Variants in TMTC1 observed in about 807,000 individuals in gnomAD.
The protein encoded by TMTC1 is transmembrane O-mannosyltransferase targeting cadherins 1.
In TMTC1, 73 loss-of-function variants were observed where a neutral mutation model predicts 104.8. That is an observed-to-expected ratio of 0.70 (90% CI 0.58 to 0.85). The LOEUF is 0.85. Among genes scored for constraint, TMTC1 ranks in the 40% least tolerant of loss-of-function variants. The pLI is 0.00. For synonymous variants in TMTC1, 434 were observed against 428.7 expected, an observed-to-expected ratio of 1.01 and a Z score of -0.15; for missense variants, 1,035 against 1,096.1, an observed-to-expected ratio of 0.94 and a Z score of 0.79.
At chr12:29,585,826 G>A (rs771009198) in intron 7 of TMTC1, among the ~76,000 whole-genome samples, 29 of 152,172 alleles carry the variant, frequency 1.9e-4, no homozygotes, top group Non-Finnish European at 4.0e-4. Context: ...GTACAATGCT[G>A]TTTTGGTTAC....
intron 5 of TMTC1, among the ~76,000 whole-genome samples, chr12:29,684,256 A>G (rs1941020353): frequency 6.6e-6 from 1 of 152,210 alleles, no homozygotes; most frequent in Non-Finnish European, 1.5e-5. Context: ...GAATTTCCAG[A>G]GCAGTTTTAT....
At chr12:29,780,455 G>T (rs978574275) in intron 1 of TMTC1, among the ~76,000 whole-genome samples, 1 of 152,192 alleles carries the variant, frequency 6.6e-6, no homozygotes, top group African/African-American at 2.4e-5. Flanking sequence ...AATGATAATG[G>T]AGAACAGATT....
chr12:29,512,293 A>G (rs1204583900), intron 16 of TMTC1, among the ~76,000 whole-genome samples, 173 bp from the exon 17 acceptor site: 1 of 152,214 alleles, frequency 6.6e-6, no homozygotes, highest in Non-Finnish European at 1.5e-5. Context: ...TGATGATTCT[A>G]AAGTGGAGGA....
intron 5 of TMTC1, among the ~76,000 whole-genome samples, chr12:29,718,991 T>C (rs995837004): frequency 1.3e-5 from 2 of 151,422 alleles, no homozygotes; most frequent in Non-Finnish European, 2.9e-5. Context: ...AGTAAACCTG[T>C]AGATAAATAA....
intron 5 of TMTC1, among the ~76,000 whole-genome samples, chr12:29,656,014 C>T (rs538154001): frequency 6.6e-6 from 1 of 152,226 alleles, no homozygotes; most frequent in South Asian, 2.1e-4. Flanking sequence ...AGCCAGACGG[C>T]CATAACCACC....
intron 15 of TMTC1, among the ~76,000 whole-genome samples, chr12:29,515,712 T>G (rs1943965015): frequency 6.6e-6 from 1 of 150,710 alleles, no homozygotes; most frequent in African/African-American, 2.4e-5. Flanking sequence ...CTGTTTAATC[T>G]CCTTCTCTAT....
At chr12:29,569,022 C>T (rs1356707845) in intron 9 of TMTC1, 1 of 455,426 alleles carries the variant, frequency 2.2e-6, no homozygotes, top group East Asian at 7.0e-5. Context: ...CCCCTCACAG[C>T]AAAGCAAAGC....
intron 5 of TMTC1, among the ~76,000 whole-genome samples, chr12:29,748,830 T>A (rs1418109119): frequency 6.6e-6 from 1 of 152,200 alleles, no homozygotes; most frequent in Non-Finnish European, 1.5e-5. Context: ...AAACAGCCAT[T>A]ATTAAAAATT....
chr12:29,663,860 A>G (rs960360868), intron 5 of TMTC1, among the ~76,000 whole-genome samples: 4 of 152,042 alleles, frequency 2.6e-5, no homozygotes, highest in Admixed American at 6.6e-5. Context: ...TATGATGGCT[A>G]TTTCACTGAG....
At chr12:29,507,361 G>A (rs770883187) in intron 17 of TMTC1, among the ~76,000 whole-genome samples, 18 of 152,276 alleles carry the variant, frequency 1.2e-4, no homozygotes, top group Non-Finnish European at 2.2e-4. Flanking sequence ...GGGTGGAGGG[G>A]ATGGGAGAAT....
At chr12:29,684,729 G>A (rs932444085) in intron 5 of TMTC1, among the ~76,000 whole-genome samples, 7 of 152,288 alleles carry the variant, frequency 4.6e-5, no homozygotes, top group African/African-American at 1.7e-4. Context: ...TAGCTGTAAT[G>A]AGGATTAAAT....
At chr12:29,779,059 T>G (rs969411087) in intron 1 of TMTC1, among the ~76,000 whole-genome samples, 1 of 152,206 alleles carries the variant, frequency 6.6e-6, no homozygotes, top group Admixed American at 6.5e-5. Flanking sequence ...AGACTGGCAC[T>G]CTTCCCTGCA....
At chr12:29,550,383 G>A (rs1012638779) in intron 10 of TMTC1, among the ~76,000 whole-genome samples, 9 of 152,122 alleles carry the variant, frequency 5.9e-5, no homozygotes, top group African/African-American at 1.2e-4. Context: ...GTGCAGGGCC[G>A]GCAGGAAAGA....
intron 8 of TMTC1, among the ~76,000 whole-genome samples, chr12:29,579,326 T>C (rs942721795): frequency 6.6e-5 from 10 of 152,252 alleles, no homozygotes; most frequent in Admixed American, 6.5e-4. Flanking sequence ...CAGAGTTACA[T>C]AGTTGCAAAA....
At chr12:29,512,485 T>C (rs1018515215) in intron 16 of TMTC1, among the ~76,000 whole-genome samples, 4 of 152,202 alleles carry the variant, frequency 2.6e-5, no homozygotes, top group Admixed American at 2.6e-4. Flanking sequence ...AAATTCTTTT[T>C]ATAATAACAG....
chr12:29,514,533 G>GA lies in TMTC1; in HGVS notation c.2378dup (p.Thr794HisfsTer17), dbSNP rs754164792. On this transcript the variant is annotated frameshift_variant, in exon 16 of 18. Transcript: ENST00000539277. LOFTEE classifies it high-confidence loss of function. ...GCTCTCTTAATTGGTTTCCTTTTGT[G>GA]AAAAAAAGTTCAGAAATGACTTTTG... The GA allele has an allele frequency of 6.2e-6, 10 of 1,613,946 alleles. No individual in the cohort carries two copies. The highest frequency in any genetic ancestry group is 1.7e-5 in the Admixed American group (1 of 59,992).
chr12:29,517,706 C>T, intron 13 of TMTC1, 135 bp from the exon 14 acceptor site: 1 of 1,042,974 alleles, frequency 9.6e-7, no homozygotes, highest in South Asian at 1.7e-5. Context: ...ATATCAATAA[C>T]AAGGTTTTTG....
intron 5 of TMTC1, among the ~76,000 whole-genome samples, chr12:29,720,694 T>C (rs1229560649): frequency 6.6e-6 from 1 of 151,904 alleles, no homozygotes; most frequent in Non-Finnish European, 1.5e-5. Context: ...TTTAACATGC[T>C]TCAATACGAG....
intron 9 of TMTC1, among the ~76,000 whole-genome samples, chr12:29,558,195 G>A (rs563270246): frequency 1.3e-5 from 2 of 152,140 alleles, no homozygotes; most frequent in Non-Finnish European, 2.9e-5. Flanking sequence ...AGTCTGGTAG[G>A]TTTGTTCCAT....
Sources: gnomAD v4.1 joint callset for allele counts (sites outside exome capture counted in the v4.1 genomes callset) on GRCh38, gnomAD v4.1.1 for gene constraint, MANE v1.5 for transcripts, NCBI Gene and HGNC (gene_info 2026-07-23, HGNC 2026-07-21) for gene names.